The following FAM13B variants were observed in gnomAD, a reference collection of about 807,000 sequenced individuals.
FAM13B encodes protein FAM13B.
Under a neutral mutation model 117.3 loss-of-function variants are expected in FAM13B, and 60 were observed. The observed-to-expected ratio is 0.51, with a 90% CI of 0.42 to 0.63. The LOEUF is 0.63. FAM13B is among the 30% of genes least tolerant of loss of function. FAM13B has a pLI of 0.00. For synonymous variants in FAM13B, 332 were observed against 356.1 expected (o/e 0.93, Z 0.76); for missense variants, 972 against 1,091.9 (o/e 0.89, Z 1.55).
rs563456474 is a variant in FAM13B, at chr5:137,953,498, T to C, written c.1719-33A>G. ...AAAACAAAAGGCCAACACTGTTAAA[T>C]TTTCAAGTACCAACACTGTATCTCT... On this transcript the variant is annotated intron_variant, in intron 15 of 23. Coordinates refer to ENST00000689681, the MANE Select transcript of FAM13B (RefSeq NM_001385994.1). 7 of 1,609,234 alleles carry C rather than the reference T, an allele frequency of 4.3e-6. No homozygotes were observed. In the South Asian group the frequency reaches 6.6e-5, roughly 15 times the overall value.
At chr5:138,008,826 A>C (rs1783198324) in intron 6 of FAM13B, among the ~76,000 whole-genome samples, 1 of 152,214 alleles carries the variant, frequency 6.6e-6, no homozygotes, top group Non-Finnish European at 1.5e-5. Context: ...CACTAGTCAG[A>C]TGGGTCACTA....
At chr5:137,945,825 T>A in intron 20 of FAM13B, 77 bp downstream of exon 20, 4 of 1,045,848 alleles carry the variant, frequency 3.8e-6, no homozygotes, top group Non-Finnish European at 5.8e-6. Flanking sequence ...TTCTCCAATA[T>A]ACCACAATAA....
At chr5:137,993,640 A>G (rs1270802049) in intron 7 of FAM13B, among the ~76,000 whole-genome samples, 1 of 151,426 alleles carries the variant, frequency 6.6e-6, no homozygotes, top group Admixed American at 6.6e-5. Flanking sequence ...CAAAAAAATT[A>G]GCTAGGCATG....
At chr5:138,016,379 G>C (rs1382844597) in intron 4 of FAM13B, among the ~76,000 whole-genome samples, 1 of 152,164 alleles carries the variant, frequency 6.6e-6, no homozygotes, top group African/African-American at 2.4e-5. Context: ...AACTGAGACA[G>C]TTTGGGAAAC....
intron 23 of FAM13B, among the ~76,000 whole-genome samples, chr5:137,941,678 G>A (rs533578290): frequency 6.6e-6 from 1 of 152,332 alleles, no homozygotes; most frequent in African/African-American, 2.4e-5. Context: ...TAAGGATGTA[G>A]AATTAAAGAA....
chr5:137,995,926 C>A (rs911294840), intron 7 of FAM13B, among the ~76,000 whole-genome samples: 4 of 152,106 alleles, frequency 2.6e-5, no homozygotes, highest in African/African-American at 7.2e-5. Flanking sequence ...CTGGTACTTC[C>A]ACCAAAGTAT....
chr5:138,034,040 T>G (rs944034684), upstream of FAM13B: 1 of 152,274 alleles, frequency 6.6e-6, no homozygotes, highest in African/African-American at 2.4e-5. Context: ...GAGGCCACAG[T>G]GTCTCCCACA....
chr5:137,948,690 A>C (rs1417844620), intron 18 of FAM13B, among the ~76,000 whole-genome samples: 2 of 152,186 alleles, frequency 1.3e-5, no homozygotes, highest in Admixed American at 1.3e-4. Context: ...TACCTGTTTC[A>C]TGCTCTTTAT....
intron 4 of FAM13B, among the ~76,000 whole-genome samples, chr5:138,013,849 T>C (rs943868132): frequency 6.6e-6 from 1 of 152,210 alleles, no homozygotes; most frequent in Non-Finnish European, 1.5e-5. Context: ...TCTGTGGCAC[T>C]TAATGTCTAG....
In FAM13B at chr5:138,018,381, A is replaced by G. The variant is rs141814341; in HGVS notation, c.291T>C (p.Leu97=). 3.7e-4 allele frequency: 595 copies of G among 1,614,174 alleles called. 4 individuals are homozygous for G. In the African/African-American group the frequency reaches 7.2e-3, roughly 19 times the overall value. The part of the protein sequence containing the change: ...KEADVPSAIS[L]LRFFLQELPE... Reference sequence around the variant, plus strand: ...GAAGTTCTTGAAGAAAAAATCTAAGAAGGCTAATAGCTGAGGGAACATCTG... The same window carrying G: ...GAAGTTCTTGAAGAAAAAATCTAAGGAGGCTAATAGCTGAGGGAACATCTG... Residue 97 remains leucine (L), a synonymous_variant, in exon 4 of 24, where the codon CTT becomes CTC. Coordinates refer to ENST00000689681, the MANE Select transcript of FAM13B (RefSeq NM_001385994.1).
At chr5:138,048,546 C>G (rs1193761156) in intron 1 of FAM13B, among the ~76,000 whole-genome samples, 3 of 152,136 alleles carry the variant, frequency 2.0e-5, no homozygotes, top group Non-Finnish European at 2.9e-5. Context: ...GACCCTCAGC[C>G]TAGCACCAGG....
intron 10 of FAM13B, among the ~76,000 whole-genome samples, chr5:137,965,500 C>A (rs181018260): frequency 1.3e-5 from 2 of 152,172 alleles, no homozygotes; most frequent in Non-Finnish European, 1.5e-5. Context: ...AATTGGTGCA[C>A]CCACCTTGCT....
intron 19 of FAM13B, 76 bp downstream of exon 19, chr5:137,946,152 G>A (rs1186556034): frequency 5.1e-6 from 7 of 1,367,812 alleles, no homozygotes; most frequent in Non-Finnish European, 7.2e-6. Context: ...CAGCCCTGAA[G>A]AATGTAGGCC....
chr5:137,945,651 T>C (rs1322025406), intron 20 of FAM13B, among the ~76,000 whole-genome samples: 2 of 152,242 alleles, frequency 1.3e-5, no homozygotes, highest in Non-Finnish European at 2.9e-5. Context: ...GATGCTATCA[T>C]ATTCTACCTG....
chr5:137,981,597 CCAA>C (rs1775764630), intron 10 of FAM13B, among the ~76,000 whole-genome samples: 1 of 152,040 alleles, frequency 6.6e-6, no homozygotes, highest in African/African-American at 2.4e-5. Flanking sequence ...ACCAGCCTGG[CCAA>C]CACTGTGAAA....
chr5:138,005,893 T>C (rs1782413724), intron 7 of FAM13B, among the ~76,000 whole-genome samples: 1 of 152,072 alleles, frequency 6.6e-6, no homozygotes, highest in Non-Finnish European at 1.5e-5. Context: ...CAAATTATTA[T>C]TTCCTCTTCT....
upstream of FAM13B, among the ~76,000 whole-genome samples, chr5:138,037,909 C>T (rs1035419723): frequency 2.6e-5 from 4 of 152,224 alleles, no homozygotes; most frequent in East Asian, 7.7e-4. Flanking sequence ...TGTTACTAGC[C>T]TTTTGACTCT....
intron 7 of FAM13B, among the ~76,000 whole-genome samples, chr5:137,988,554 T>C (rs1777812189): frequency 6.6e-6 from 1 of 152,234 alleles, no homozygotes; most frequent in Non-Finnish European, 1.5e-5. Context: ...CCAAAAATTT[T>C]AAAGTTAGAA....
intron 10 of FAM13B, among the ~76,000 whole-genome samples, chr5:137,969,184 G>T (rs1197181404): frequency 6.6e-6 from 1 of 152,246 alleles, no homozygotes; most frequent in Admixed American, 6.5e-5. Flanking sequence ...AAAGACAGCA[G>T]TAACCTCTGC....
Sources: allele counts gnomAD v4.1 joint callset (sites outside exome capture counted in the v4.1 genomes callset), GRCh38; gene constraint gnomAD v4.1.1; transcripts MANE v1.5; gene names NCBI Gene and HGNC (gene_info 2026-07-23, HGNC 2026-07-21).